The following EPHB1 variants were observed in gnomAD, a reference collection of about 807,000 sequenced individuals.
The protein encoded by EPHB1 is EPH receptor B1.
In EPHB1, 30 loss-of-function variants were observed where a neutral mutation model predicts 94.4. The observed-to-expected ratio is 0.32, with a 90% CI of 0.24 to 0.43. The LOEUF (loss-of-function observed/expected upper bound fraction) is 0.43. Among genes scored for constraint, EPHB1 ranks in the 20% least tolerant of loss-of-function variants. EPHB1 has a pLI of 1.00. For synonymous variants in EPHB1, 522 were observed against 489.1 expected, an observed-to-expected ratio of 1.07 and a Z score of -0.89; for missense variants, 1,055 against 1,308.3, an observed-to-expected ratio of 0.81 and a Z score of 2.99.
At chr3:134,799,315 C>T (rs2035890922) in intron 1 of EPHB1, among the ~76,000 whole-genome samples, 1 of 152,222 alleles carries the variant, frequency 6.6e-6, no homozygotes, top group African/African-American at 2.4e-5. Context: ...GCTGTGTGTT[C>T]ATCTGTTTTT....
At chr3:135,087,303 GATGAAAGTCTGGATTCTTACTGAGA>G (rs1244380330) in intron 3 of EPHB1, among the ~76,000 whole-genome samples, 1 of 152,194 alleles carries the variant, frequency 6.6e-6, no homozygotes, top group African/African-American at 2.4e-5. Context: ...AGATTCCTCT[GATGAAAGTCTGGATTCTTACTGAGA>G]ATGAGAAGGA....
At chr3:134,828,292 G>T (rs1299477164) in intron 1 of EPHB1, among the ~76,000 whole-genome samples, 2 of 152,244 alleles carry the variant, frequency 1.3e-5, no homozygotes, top group Admixed American at 1.3e-4. Context: ...AACAAAAAAA[G>T]ATCATGGAGT....
chr3:135,233,852 C>G (rs537332823), intron 12 of EPHB1, among the ~76,000 whole-genome samples: 363 of 152,334 alleles, frequency 2.4e-3, no homozygotes, highest in African/African-American at 7.7e-3. Context: ...CTTGCACCCT[C>G]TGAAGCAATG....
At chr3:135,178,229 G>GGC (rs1312595568) in intron 9 of EPHB1, among the ~76,000 whole-genome samples, 3 of 148,314 alleles carry the variant, frequency 2.0e-5, no homozygotes, top group Admixed American at 6.7e-5. Flanking sequence ...CGGGGAGGGG[G>GGC]GGTGGATCAT....
rs754041080 is a variant in EPHB1 at position 134,827,844 on chromosome 3, C to T, written c.58+32155C>T. 6.6e-5 allele frequency among the ~76,000 whole-genome samples: 10 copies of T among 152,102 alleles called. No individual in the cohort carries two copies. The East Asian group carries it at 9.6e-4, about 15-fold the overall frequency. ...TGAGTGGGTGCTGGCTGGCAGAAACCGACCTGCAAAGCCTTTCATTCACAT... is the reference window on the plus strand; with the variant it reads ...TGAGTGGGTGCTGGCTGGCAGAAACTGACCTGCAAAGCCTTTCATTCACAT... On this transcript the variant is annotated intron_variant, in intron 1 of 15. Coordinates refer to ENST00000398015, the MANE Select transcript of EPHB1 (RefSeq NM_004441.5).
At chr3:134,843,002 G>A (rs2036804328) in intron 1 of EPHB1, among the ~76,000 whole-genome samples, 1 of 152,140 alleles carries the variant, frequency 6.6e-6, no homozygotes. Context: ...TTTTTCCTGT[G>A]TTTTCAAGTT....
chr3:135,246,581 A>G (rs974848184), intron 13 of EPHB1, among the ~76,000 whole-genome samples: 1 of 152,174 alleles, frequency 6.6e-6, no homozygotes, highest in African/African-American at 2.4e-5. Flanking sequence ...TCCCAGCCCT[A>G]TCTTTTGCTA....
intron 1 of EPHB1, among the ~76,000 whole-genome samples, chr3:134,845,743 T>G (rs946596929): frequency 2.0e-5 from 3 of 152,204 alleles, no homozygotes; most frequent in Non-Finnish European, 4.4e-5. Context: ...GGAGGTATAA[T>G]TTTATTTTTC....
intron 1 of EPHB1, among the ~76,000 whole-genome samples, chr3:134,922,689 G>T (rs1202681234): frequency 6.6e-6 from 1 of 152,172 alleles, no homozygotes; most frequent in South Asian, 2.1e-4. Flanking sequence ...TGGGGTGGGG[G>T]ATGCATTATT....
chr3:135,256,903 G>C lies in EPHB1; in HGVS notation c.2847-2109G>C, dbSNP rs552752689. Reference sequence around the variant, plus strand: ...TCACATAGTCCCATATTTCTTGGAGGCTTTGCTCATTTCTTTTTATTCTTT... The same window carrying C: ...TCACATAGTCCCATATTTCTTGGAGCCTTTGCTCATTTCTTTTTATTCTTT... On this transcript the variant is annotated intron_variant, in intron 15 of 15. Transcript: ENST00000398015. 1.1e-3 allele frequency among the ~76,000 whole-genome samples: 165 copies of C among 148,330 alleles called. 1 individual carries two copies. The highest frequency in any genetic ancestry group is 4.0e-3 in the African/African-American group (160 of 39,836).
Position 134,951,946 on chromosome 3 carries a change from C to G in EPHB1, c.699C>G (p.Asp233Glu), listed in dbSNP as rs375729027. Residue 233 changes from aspartate (D) to glutamate (E), a missense_variant, in exon 3 of 16, where the codon GAC becomes GAG. Transcript: ENST00000398015. The surrounding 1 kb of genome is among the most constrained non-coding windows in gnomAD (Gnocchi z 4.5). ...GCATCCCCAACGCAGAGGAAGTGGA[C>G]GTGCCCATCAAACTCTACTGCAACG... ...GTCIPNAEEV[D>E]VPIKLYCNGD... 6.2e-7 allele frequency: 1 copy of G among 1,613,888 alleles called. No individual in the cohort carries two copies. The highest frequency in any genetic ancestry group is 8.5e-7 in the Non-Finnish European group (1 of 1,179,900).
intron 3 of EPHB1, among the ~76,000 whole-genome samples, chr3:135,077,859 C>T (rs1275089456): frequency 2.0e-5 from 3 of 152,220 alleles, no homozygotes; most frequent in African/African-American, 7.2e-5. Context: ...TCACATCTCC[C>T]ATACCAGAAG....
At chr3:135,060,224 C>G (rs1050754379) in intron 3 of EPHB1, among the ~76,000 whole-genome samples, 8 of 152,218 alleles carry the variant, frequency 5.3e-5, no homozygotes, top group African/African-American at 1.9e-4. Context: ...GATCCACTTT[C>G]TGTCCTTATG....
At chr3:135,039,033 G>C (rs4955465) in intron 3 of EPHB1, among the ~76,000 whole-genome samples, 2 of 151,816 alleles carry the variant, frequency 1.3e-5, no homozygotes, top group Non-Finnish European at 2.9e-5. Flanking sequence ...ACAGAGTTTC[G>C]ACACACAGGT....
intron 1 of EPHB1, among the ~76,000 whole-genome samples, chr3:134,896,606 T>C (rs965999224): frequency 6.6e-6 from 1 of 152,248 alleles, no homozygotes; most frequent in Non-Finnish European, 1.5e-5. Context: ...CCTTCATCGA[T>C]GGCCCCACTA....
intron 1 of EPHB1, among the ~76,000 whole-genome samples, chr3:134,900,355 A>C (rs1192301832): frequency 6.6e-6 from 1 of 152,088 alleles, no homozygotes; most frequent in African/African-American, 2.4e-5. Flanking sequence ...TTGTAGTAGT[A>C]ATAGCTGAAT....
chr3:134,913,081 C>T (rs2038488650), intron 1 of EPHB1, among the ~76,000 whole-genome samples: 1 of 152,208 alleles, frequency 6.6e-6, no homozygotes, highest in African/African-American at 2.4e-5. Context: ...GTCTCACTGG[C>T]TCAGGACTTC....
chr3:135,146,999 T>C (rs149231260), intron 5 of EPHB1, among the ~76,000 whole-genome samples: 1 of 152,336 alleles, frequency 6.6e-6, no homozygotes, highest in East Asian at 1.9e-4. Flanking sequence ...ATTCCTATTT[T>C]ACAGTTGAAG....
chr3:134,835,135 G>A (rs1441688611), intron 1 of EPHB1, among the ~76,000 whole-genome samples: 10 of 152,186 alleles, frequency 6.6e-5, no homozygotes, highest in Non-Finnish European at 1.3e-4. Flanking sequence ...CAGAGGCCAG[G>A]TAACTGCAGG....
Sources: allele counts gnomAD v4.1 joint callset (sites outside exome capture counted in the v4.1 genomes callset), GRCh38; gene constraint gnomAD v4.1.1; non-coding constraint Gnocchi (gnomAD v3.1); transcripts MANE v1.5; gene names NCBI Gene and HGNC (gene_info 2026-07-23, HGNC 2026-07-21).